The following PDZRN4 variants were observed in gnomAD, a reference collection of about 807,000 sequenced individuals.
The protein encoded by PDZRN4 is PDZ domain-containing RING finger protein 4.
PDZRN4 carries 70 observed loss-of-function variants against 99.0 expected under a neutral mutation model. The ratio of observed to expected loss-of-function variants is 0.71; its 90% confidence interval spans 0.58 to 0.86. The LOEUF is 0.86. Among genes scored for constraint, PDZRN4 ranks in the 40% least tolerant of loss-of-function variants. The pLI, the probability that PDZRN4 is intolerant of heterozygous loss-of-function variation, is 0.00. For synonymous variants in PDZRN4, 551 were observed against 501.6 expected (o/e 1.10, Z -1.32); for missense variants, 1,474 against 1,331.2 (o/e 1.11, Z -1.67).
At chr12:41,203,077 C>A (rs1220152684) in intron 3 of PDZRN4, among the ~76,000 whole-genome samples, 1 of 151,622 alleles carries the variant, frequency 6.6e-6, no homozygotes, top group Non-Finnish European at 1.5e-5. Context: ...TTGCTACAAA[C>A]ATGATTCATG....
intron 3 of PDZRN4, among the ~76,000 whole-genome samples, chr12:41,418,239 T>C (rs539921613): frequency 3.3e-5 from 5 of 152,194 alleles, no homozygotes; most frequent in African/African-American, 9.6e-5. Context: ...AAAATCTAAA[T>C]TGAAAAACTT....
At position 41,573,645 on chromosome 12, in the gene PDZRN4, C is replaced by G; in HGVS notation, c.2866C>G (p.Gln956Glu). The change falls in exon 10 of 10, where the codon CAG becomes GAG. Residue 956 changes from glutamine (Q) to glutamate (E), a missense_variant. Transcript: ENST00000402685. ...RKQHLVRAKE[Q>E]RRRREFMMRS... ...GCAGCACCTGGTTAGGGCCAAAGAG[C>G]AGCGCCGTCGCCGTGAGTTCATGAT... The G allele has an allele frequency of 1.2e-6, 2 of 1,614,038 alleles. No individual in the cohort carries two copies. Among genetic ancestry groups the G allele is most frequent in the Non-Finnish European group, 1.7e-6 (2 of 1,180,000 alleles).
At chr12:41,432,769 A>G (rs1047548693) in intron 3 of PDZRN4, among the ~76,000 whole-genome samples, 10 of 152,208 alleles carry the variant, frequency 6.6e-5, no homozygotes, top group African/African-American at 1.9e-4. Context: ...GAGCCTTTAA[A>G]CTGGACAATT....
chr12:41,427,356 C>T (rs921655539), intron 3 of PDZRN4, among the ~76,000 whole-genome samples: 2 of 152,126 alleles, frequency 1.3e-5, no homozygotes, highest in Admixed American at 6.5e-5. Context: ...TTATTGAACA[C>T]GTACATGCAG....
At chr12:41,230,113 A>G (rs1337992849) in intron 3 of PDZRN4, among the ~76,000 whole-genome samples, 1 of 151,948 alleles carries the variant, frequency 6.6e-6, no homozygotes, top group East Asian at 1.9e-4. Context: ...AATATAGTGG[A>G]CATTGCTGCT....
intron 3 of PDZRN4, among the ~76,000 whole-genome samples, chr12:41,212,043 C>T (rs906525269): frequency 2.0e-5 from 3 of 151,910 alleles, no homozygotes; most frequent in African/African-American, 4.8e-5. Flanking sequence ...ACAGAATCAA[C>T]CTTTATCTGG....
At chr12:41,198,707 A>C (rs913571118) in intron 3 of PDZRN4, among the ~76,000 whole-genome samples, 1 of 151,582 alleles carries the variant, frequency 6.6e-6, no homozygotes, top group African/African-American at 2.4e-5. Context: ...ACATGTATAC[A>C]TATGTAACTA....
chr12:41,233,403 A>G (rs1182530101), intron 3 of PDZRN4, among the ~76,000 whole-genome samples: 1 of 152,156 alleles, frequency 6.6e-6, no homozygotes, highest in African/African-American at 2.4e-5. Flanking sequence ...ATCGAGAACC[A>G]GAAATACCAT....
chr12:41,291,331 A>G (rs1367653630), intron 3 of PDZRN4, among the ~76,000 whole-genome samples: 1 of 152,136 alleles, frequency 6.6e-6, no homozygotes, highest in Non-Finnish European at 1.5e-5. Context: ...CTTACCTTAA[A>G]TTTGCTTAGG....
intron 3 of PDZRN4, among the ~76,000 whole-genome samples, chr12:41,236,482 T>C (rs1279612418): frequency 1.3e-5 from 2 of 152,036 alleles, no homozygotes; most frequent in Admixed American, 6.6e-5. Context: ...GTGCCTGTTT[T>C]AGGATTTTAT....
At chr12:41,462,959 G>T (rs1952886615) in intron 3 of PDZRN4, among the ~76,000 whole-genome samples, 1 of 152,172 alleles carries the variant, frequency 6.6e-6, no homozygotes. Context: ...CAGAAGGAGG[G>T]ATGGAATATC....
chr12:41,338,914 G>C (rs1170124458), intron 3 of PDZRN4, among the ~76,000 whole-genome samples: 1 of 151,850 alleles, frequency 6.6e-6, no homozygotes, highest in African/African-American at 2.4e-5. Context: ...AACAATGTAA[G>C]AAATCAAAGA....
chr12:41,214,988 CTG>C (rs1277563307), intron 3 of PDZRN4, among the ~76,000 whole-genome samples: 1 of 152,002 alleles, frequency 6.6e-6, no homozygotes, highest in Non-Finnish European at 1.5e-5. Flanking sequence ...CTATAAAAAT[CTG>C]TGAGATATAT....
At chr12:41,197,824 A>T (rs992963475) in intron 3 of PDZRN4, among the ~76,000 whole-genome samples, 2 of 151,952 alleles carry the variant, frequency 1.3e-5, no homozygotes, top group African/African-American at 4.8e-5. Flanking sequence ...GGTATGTGGG[A>T]GGGAGTTGAG....
chr12:41,503,600 A>G (rs775940605), intron 3 of PDZRN4, among the ~76,000 whole-genome samples: 2 of 152,184 alleles, frequency 1.3e-5, no homozygotes, highest in African/African-American at 2.4e-5. Context: ...ACAGATAAAT[A>G]ATCATTATCA....
intron 3 of PDZRN4, among the ~76,000 whole-genome samples, chr12:41,273,967 A>C (rs1294317461): frequency 6.6e-6 from 1 of 152,118 alleles, no homozygotes; most frequent in Non-Finnish European, 1.5e-5. Context: ...GTCAGCAACC[A>C]TAGAAATATG....
At chr12:41,214,122 A>G (rs1950905017) in intron 3 of PDZRN4, among the ~76,000 whole-genome samples, 1 of 151,820 alleles carries the variant, frequency 6.6e-6, no homozygotes. Context: ...TATGTAAACT[A>G]TTGATTATGT....
chr12:41,425,011 A>T (rs1336612848), intron 3 of PDZRN4, among the ~76,000 whole-genome samples: 1 of 152,052 alleles, frequency 6.6e-6, no homozygotes. Flanking sequence ...TACCACAAAG[A>T]CTCTGACACA....
chr12:41,324,225 A>G (rs1194929343), intron 3 of PDZRN4, among the ~76,000 whole-genome samples: 3 of 152,094 alleles, frequency 2.0e-5, no homozygotes, highest in Non-Finnish European at 4.4e-5. Flanking sequence ...CCAGCAAGTT[A>G]TTAAATGTCT....
Sources: allele counts gnomAD v4.1 joint callset (sites outside exome capture counted in the v4.1 genomes callset), GRCh38; gene constraint gnomAD v4.1.1; transcripts MANE v1.5; gene names NCBI Gene and HGNC (gene_info 2026-07-23, HGNC 2026-07-21).